Variants in RIMS2 observed in about 807,000 individuals in gnomAD.
The protein encoded by RIMS2 is regulating synaptic membrane exocytosis protein 2.
In RIMS2, 59 loss-of-function variants were observed where a neutral mutation model predicts 174.4. The ratio of observed to expected loss-of-function variants is 0.34; its 90% confidence interval spans 0.27 to 0.42. The LOEUF is 0.42. Among genes scored for constraint, RIMS2 ranks in the 10% least tolerant of loss-of-function variants. The pLI, the probability that RIMS2 is intolerant of heterozygous loss-of-function variation, is 1.00. For synonymous variants in RIMS2, 606 were observed against 572.5 expected (o/e 1.06, Z -0.84); for missense variants, 1,620 against 1,666.3 (o/e 0.97, Z 0.48).
At chr8:103,796,836 C>G (rs2098553122) in intron 3 of RIMS2, among the ~76,000 whole-genome samples, 1 of 152,078 alleles carries the variant, frequency 6.6e-6, no homozygotes, top group African/African-American at 2.4e-5. Flanking sequence ...GTGCATTTGG[C>G]TGTCCAGGTT....
intron 1 of RIMS2, among the ~76,000 whole-genome samples, chr8:103,665,227 TAACA>T (rs1187294745): frequency 6.6e-6 from 1 of 152,232 alleles, no homozygotes; most frequent in Non-Finnish European, 1.5e-5. Context: ...TATATCTGTG[TAACA>T]AACCTGCACG....
intron 19 of RIMS2, among the ~76,000 whole-genome samples, chr8:104,057,693 T>C (rs1243303771): frequency 1.3e-5 from 2 of 150,140 alleles, no homozygotes; most frequent in Non-Finnish European, 3.0e-5. Context: ...GCATTAGGTA[T>C]ATCTCCTAAT....
intron 14 of RIMS2, among the ~76,000 whole-genome samples, chr8:103,948,667 G>A (rs1041025082): frequency 2.0e-5 from 3 of 152,274 alleles, no homozygotes; most frequent in South Asian, 4.1e-4. Flanking sequence ...TTGGCTGGAA[G>A]TAGCAATAGA....
In RIMS2 at chr8:104,043,264, A is replaced by G. The variant is rs61644293; in HGVS notation, c.3334+28649A>G. On this transcript the variant is annotated intron_variant, in intron 19 of 23. Transcript: ENST00000504942. The stretch of plus-strand genomic sequence containing the variant: ...GATGGCTTGGGGAAATTTTAAAGTT[A>G]AGAATACCATGGGAAATAAGACAGG... 2.4e-4 allele frequency among the ~76,000 whole-genome samples: 36 copies of G among 151,730 alleles called. No individual in the cohort carries two copies. The East Asian group carries it at 6.8e-3, about 28-fold the overall frequency.
chr8:104,183,558 C>T (rs941645399), intron 19 of RIMS2, among the ~76,000 whole-genome samples: 5 of 150,648 alleles, frequency 3.3e-5, no homozygotes, highest in Admixed American at 6.6e-5. Context: ...TCCAGAATAC[C>T]ATGGGGGGGA....
At chr8:103,944,190 A>G (rs1206166716) in intron 14 of RIMS2, among the ~76,000 whole-genome samples, 1 of 152,190 alleles carries the variant, frequency 6.6e-6, no homozygotes, top group African/African-American at 2.4e-5. Context: ...TACAGTGTCA[A>G]TGTCTTTCAG....
intron 17 of RIMS2, among the ~76,000 whole-genome samples, chr8:104,001,650 T>A (rs1375277747): frequency 6.6e-6 from 1 of 151,980 alleles, no homozygotes; most frequent in African/African-American, 2.4e-5. Context: ...ATTTGTTATT[T>A]ACTCTACTAA....
At chr8:103,732,878 A>G (rs891205545) in intron 2 of RIMS2, among the ~76,000 whole-genome samples, 3 of 152,084 alleles carry the variant, frequency 2.0e-5, no homozygotes, top group African/African-American at 7.2e-5. Flanking sequence ...AGGGTCAAGG[A>G]GTGAAGGCTT....
rs182779456 is a variant in RIMS2, at chr8:104,099,612, T to C, written c.3334+84997T>C. On this transcript the variant is annotated intron_variant, in intron 19 of 23. Coordinates refer to ENST00000504942, the Ensembl canonical transcript of RIMS2. ...TCTCTTTTGGGTTGCTTGTATTTCC[T>C]ACTGAAATTTCAGTTCAGCTTGTCA... Among the ~76,000 whole-genome samples, 129 of 152,318 alleles carry C rather than the reference T, an allele frequency of 8.5e-4. 1 individual carries two copies. The highest frequency in any genetic ancestry group is 1.4e-3 in the Non-Finnish European group (97 of 68,026).
intron 19 of RIMS2, among the ~76,000 whole-genome samples, chr8:104,215,918 G>A (rs1355446412): frequency 6.6e-6 from 1 of 152,206 alleles, no homozygotes; most frequent in Admixed American, 6.5e-5. Context: ...ATTATGGGCA[G>A]GGTAGAGAAA....
At chr8:103,952,900 A>G (rs1250356408) in intron 14 of RIMS2, among the ~76,000 whole-genome samples, 2 of 152,236 alleles carry the variant, frequency 1.3e-5, no homozygotes, top group African/African-American at 4.8e-5. Flanking sequence ...TAGAATAACC[A>G]GTTTAGAGAA....
chr8:103,732,885 G>T (rs1257068309), intron 2 of RIMS2, among the ~76,000 whole-genome samples: 2 of 152,146 alleles, frequency 1.3e-5, no homozygotes, highest in Admixed American at 6.5e-5. Flanking sequence ...AGGAGTGAAG[G>T]CTTGGAAGTG....
chr8:103,835,670 T>A (rs1488588127), intron 3 of RIMS2, among the ~76,000 whole-genome samples: 1 of 152,202 alleles, frequency 6.6e-6, no homozygotes, highest in Non-Finnish European at 1.5e-5. Context: ...TTTTAAGTTG[T>A]ATTGATCCTA....
At chr8:103,790,470 G>T (rs2098486296) in intron 3 of RIMS2, among the ~76,000 whole-genome samples, 1 of 152,084 alleles carries the variant, frequency 6.6e-6, no homozygotes, top group Non-Finnish European at 1.5e-5. Context: ...TTCATTGTAT[G>T]TTTATACCAC....
At chr8:104,013,544 T>A (rs764337640) in exon 18 of RIMS2, 13 of 1,613,730 alleles carry the variant, frequency 8.1e-6, no homozygotes, top group Non-Finnish European at 1.1e-5. Flanking sequence ...CCACTGAACG[T>A]CCTGATACAA....
chr8:103,626,835 G>C (rs571135133), intron 1 of RIMS2, among the ~76,000 whole-genome samples: 1 of 152,076 alleles, frequency 6.6e-6, no homozygotes, highest in African/African-American at 2.4e-5. Flanking sequence ...GGGAGGGGGG[G>C]TGTACAAACA....
At chr8:103,519,896 G>C (rs1351488857) in intron 1 of RIMS2, among the ~76,000 whole-genome samples, 1 of 152,022 alleles carries the variant, frequency 6.6e-6, no homozygotes, top group Non-Finnish European at 1.5e-5. Flanking sequence ...AATTTCTGTA[G>C]TCTAAATCTA....
intron 3 of RIMS2, among the ~76,000 whole-genome samples, chr8:103,820,782 A>G (rs2098747116): frequency 6.6e-6 from 1 of 151,802 alleles, no homozygotes; most frequent in African/African-American, 2.4e-5. Context: ...CTTGAGACAA[A>G]TTAAAAACAT....
At chr8:104,223,343 G>A (rs1047109826) in intron 19 of RIMS2, 12 of 1,122,222 alleles carry the variant, frequency 1.1e-5, no homozygotes, top group Non-Finnish European at 1.3e-5. Context: ...GACTCCAGCA[G>A]CTCCAGCCTC....
Sources: allele counts gnomAD v4.1 joint callset (sites outside exome capture counted in the v4.1 genomes callset), GRCh38; gene constraint gnomAD v4.1.1; transcripts MANE v1.5; gene names NCBI Gene and HGNC (gene_info 2026-07-23, HGNC 2026-07-21).